GID4: variants seen among roughly 807,000 people sequenced by gnomAD.
The protein encoded by GID4 is glucose-induced degradation protein 4 homolog.
A neutral mutation model predicts 32.4 loss-of-function variants in GID4; 7 were observed. The observed-to-expected ratio is 0.22, with a 90% CI of 0.12 to 0.41. The LOEUF (loss-of-function observed/expected upper bound fraction) is 0.41. GID4 is among the 10% of genes least tolerant of loss of function. The probability of loss-of-function intolerance (pLI) is 1.00; values close to 1 mark genes in which losing one functional copy is unlikely to be tolerated. For synonymous variants in GID4, 166 were observed against 170.0 expected (o/e 0.98, Z 0.18); for missense variants, 309 against 400.0 (o/e 0.77, Z 1.94).
At chr17:18,057,107 A>G in intron 3 of GID4, 1 of 1,467,026 alleles carries the variant, frequency 6.8e-7, no homozygotes, top group Admixed American at 2.3e-5. Context: ...TAAAGTCAGG[A>G]TTCCATATAT....
At chr17:18,051,662 G>A (rs1597693887) in intron 2 of GID4, among the ~76,000 whole-genome samples, 1 of 147,698 alleles carries the variant, frequency 6.8e-6, no homozygotes, top group South Asian at 2.2e-4. Flanking sequence ...GCGACAGAGC[G>A]AGACTCCATC....
intron 5 of GID4, among the ~76,000 whole-genome samples, chr17:18,063,075 AAAAT>A (rs140677914): frequency 0.78 from 96,131 of 123,372 alleles, 38,206 homozygotes; most frequent in South Asian, 0.87. Flanking sequence ...CACCATCTCA[AAAAT>A]AAATAAATAA....
chr17:18,053,654 C>CT (rs2044936802), intron 2 of GID4, among the ~76,000 whole-genome samples: 1 of 152,080 alleles, frequency 6.6e-6, no homozygotes, highest in Non-Finnish European at 1.5e-5. Context: ...AGAATCCACC[C>CT]TGGAACCTTG....
intron 1 of GID4, among the ~76,000 whole-genome samples, chr17:18,040,868 C>A (rs1282493685): frequency 3.9e-5 from 6 of 152,202 alleles, no homozygotes; most frequent in Admixed American, 3.3e-4. Flanking sequence ...CGCCTCCCCC[C>A]ATTTGACCTG....
chr17:18,043,733 G>A (rs1359847735), intron 1 of GID4, among the ~76,000 whole-genome samples: 1 of 152,046 alleles, frequency 6.6e-6, no homozygotes, highest in Admixed American at 6.5e-5. Flanking sequence ...TTTGATTTAT[G>A]GTATAATTGG....
chr17:18,061,308 A>G lies in GID4; in HGVS notation c.709-537A>G, dbSNP rs539576998. ...TCTCCTAAGGTCCCTGGTAAAGAACAGTACCGTTCTGACTGCTTTTGACAA... is the reference window on the plus strand; with the variant it reads ...TCTCCTAAGGTCCCTGGTAAAGAACGGTACCGTTCTGACTGCTTTTGACAA... On this transcript the variant is annotated intron_variant, in intron 4 of 5. Transcript: ENST00000268719. This position sits in a 1 kb window ranked among gnomAD's most constrained non-coding sequence, Gnocchi z 4.4. Among the ~76,000 whole-genome samples, 4 of 152,296 alleles carry G rather than the reference A, an allele frequency of 2.6e-5. No homozygotes were observed. Among genetic ancestry groups the G allele is most frequent in the East Asian group, 1.9e-4 (1 of 5,186 alleles).
intron 1 of GID4, among the ~76,000 whole-genome samples, chr17:18,042,473 C>T (rs1187756646): frequency 2.0e-5 from 3 of 152,202 alleles, no homozygotes; most frequent in Non-Finnish European, 4.4e-5. Flanking sequence ...TAATATGTAT[C>T]AGCACTTATA....
chr17:18,039,840 T>C lies in GID4; in HGVS notation c.376T>C (p.Ser126Pro). 6.4e-7 allele frequency: 1 copy of C among 1,550,714 alleles called. No homozygotes were observed. Reference sequence around the variant, plus strand: ...GGCCACCAGCCTGCTCTACAGCGGCTCCAAGTTCCGCGGCCACCAGAAGAG... The same window carrying C: ...GGCCACCAGCCTGCTCTACAGCGGCCCCAAGTTCCGCGGCCACCAGAAGAG... ...GVATSLLYSG[S>P]KFRGHQKSKG... is the part of the protein sequence containing the mutation. The change falls in exon 1 of 6, where the codon TCC (serine) becomes CCC (proline). Residue 126 changes from serine (S) to proline (P), a missense_variant. Ser to Pro is a moderately conservative substitution (Grantham distance 74). This residue lies in a region of GID4 where 193 missense variants were observed against 185.8 expected (regional missense o/e 1.04). Coordinates refer to ENST00000268719, the MANE Select transcript of GID4 (RefSeq NM_024052.5). The surrounding 1 kb of genome is among the most constrained non-coding windows in gnomAD (Gnocchi z 5.3).
In GID4 at chr17:18,065,622, TC is replaced by T; in HGVS notation, c.*382del. 3.8e-6 allele frequency: 1 copy of T among 265,294 alleles called. No individual in the cohort carries two copies. The highest frequency in any genetic ancestry group is 3.9e-5 in the South Asian group (1 of 25,584). The allele number at this position is 265,294 out of a possible 1,614,324, so 16.4% of individuals were successfully genotyped here. A position where few individuals can be genotyped will look rare whatever the true frequency, so the allele number is the denominator to read the frequency against. On this transcript the variant is annotated 3_prime_UTR_variant, in exon 6 of 6. Transcript: ENST00000268719. ...CACCCTCAGCCTTGGTGCTCAGTGG[TC>T]CCGAGGCCCTAGACCCCCACCCCCC...
At chr17:18,045,632 T>C (rs1465188437) in intron 2 of GID4, among the ~76,000 whole-genome samples, 10 of 152,006 alleles carry the variant, frequency 6.6e-5, no homozygotes, top group Non-Finnish European at 1.2e-4. Context: ...CGGTGGCTCA[T>C]GCCTGTAATC....
chr17:18,061,621 C>T lies in GID4; in HGVS notation c.709-224C>T, dbSNP rs1228004328. On this transcript the variant is annotated intron_variant, in intron 4 of 5. Transcript: ENST00000268719. This position sits in a 1 kb window ranked among gnomAD's most constrained non-coding sequence, Gnocchi z 4.4. ...TGCTGATCCTAGTGAGCTCAAGACA[C>T]AGTTTGTCACTTTAGTATATAGAAT... 6.6e-6 allele frequency among the ~76,000 whole-genome samples: 1 copy of T among 152,152 alleles called. No homozygotes were observed. The highest frequency in any genetic ancestry group is 1.9e-4 in the East Asian group (1 of 5,192).
intron 3 of GID4, among the ~76,000 whole-genome samples, chr17:18,055,609 G>A (rs1166665029): frequency 1.3e-5 from 2 of 151,302 alleles, no homozygotes; most frequent in East Asian, 1.9e-4. Flanking sequence ...CCACCTCCGC[G>A]CCCCAAGTAG....
chr17:18,058,903 A>G lies in GID4; in HGVS notation c.642A>G (p.Ser214=). 1 of 1,613,394 alleles carries G rather than the reference A, an allele frequency of 6.2e-7. No individual in the cohort carries two copies. Among genetic ancestry groups the G allele is most frequent in the Non-Finnish European group, 8.5e-7 (1 of 1,179,446 alleles). The change falls in exon 4 of 6, where the codon TCA becomes TCG. Residue 214 remains serine, a synonymous_variant. Transcript: ENST00000268719. The part of the protein sequence containing the change: ...KFLAFYQYAK[S]FNSDDFDYEE... ...TGGCTTTTTATCAGTATGCAAAATC[A>G]TTTAACTCAGATGACTTTGATTATG...
intron 3 of GID4, 37 bp downstream of exon 3, chr17:18,054,271 C>A: frequency 1.6e-6 from 2 of 1,270,252 alleles, no homozygotes; most frequent in Non-Finnish European, 2.3e-6. Context: ...CATCTAGGGG[C>A]TGCTAGAGAA....
At position 18,054,168 on chromosome 17, in the gene GID4, C is replaced by A. The variant is rs780291053; in HGVS notation, c.540C>A (p.Ile180=). The A allele has an allele frequency of 6.2e-7, 1 of 1,612,872 alleles. No individual in the cohort carries two copies. The highest frequency in any genetic ancestry group is 1.1e-5 in the South Asian group (1 of 90,852). Residue 180 remains isoleucine, a synonymous_variant, in exon 3 of 6, where the codon ATC becomes ATA. Coordinates refer to ENST00000268719, the MANE Select transcript of GID4 (RefSeq NM_024052.5). ...CAACCTTCTTCGAAGGAGAAATAATCAGCAAAAAACACCCTTTCTTAACTC... is the reference window on the plus strand; with the variant it reads ...CAACCTTCTTCGAAGGAGAAATAATAAGCAAAAAACACCCTTTCTTAACTC... ...TLTTFFEGEI[I]SKKHPFLTRK...
intron 5 of GID4, among the ~76,000 whole-genome samples, chr17:18,064,619 A>C (rs956529414): frequency 1.7e-4 from 26 of 152,152 alleles, no homozygotes; most frequent in Non-Finnish European, 2.6e-4. Context: ...TCACCTGCCA[A>C]CAGGGGAGGC....
At chr17:18,059,621 T>G (rs2045001014) in intron 4 of GID4, among the ~76,000 whole-genome samples, 1 of 152,164 alleles carries the variant, frequency 6.6e-6, no homozygotes, top group South Asian at 2.1e-4. Flanking sequence ...AGCCCCAGAA[T>G]AGCAAAATCA....
rs1285517223 is a variant in GID4 at position 18,061,167 on chromosome 17, G to T, written c.709-678G>T. Among the ~76,000 whole-genome samples, 1 of 152,218 alleles carries T rather than the reference G, an allele frequency of 6.6e-6. No individual in the cohort carries two copies. Among genetic ancestry groups the T allele is most frequent in the African/African-American group, 2.4e-5 (1 of 41,448 alleles). ...AATGTCTCAGAGTGGCTCATCTGTG[G>T]TCCTTTAGTAGACCACCTGAGGCCC... On this transcript the variant is annotated intron_variant, in intron 4 of 5. Coordinates refer to ENST00000268719, the MANE Select transcript of GID4 (RefSeq NM_024052.5). The surrounding 1 kb of genome is among the most constrained non-coding windows in gnomAD (Gnocchi z 4.4).
intron 1 of GID4, among the ~76,000 whole-genome samples, chr17:18,040,801 T>C (rs2044791604): frequency 6.6e-6 from 1 of 152,184 alleles, no homozygotes; most frequent in South Asian, 2.1e-4. Flanking sequence ...TTCCTCTTAG[T>C]CTCTGGTACC....
Sources: allele counts gnomAD v4.1 joint callset (sites outside exome capture counted in the v4.1 genomes callset), GRCh38; gene constraint gnomAD v4.1.1; regional missense constraint gnomAD v4.1.1; non-coding constraint Gnocchi (gnomAD v3.1); transcripts MANE v1.5; gene names NCBI Gene and HGNC (gene_info 2026-07-23, HGNC 2026-07-21).